The following RHOT1 variants were observed in gnomAD, a reference collection of about 807,000 sequenced individuals.
RHOT1 encodes ras homolog family member T1, also known as mitochondrial Rho GTPase 1.
RHOT1 carries 27 observed loss-of-function variants against 95.3 expected under a neutral mutation model. The ratio of observed to expected loss-of-function variants is 0.28; its 90% confidence interval spans 0.21 to 0.39. RHOT1 has a LOEUF of 0.39. Ranked by LOEUF, RHOT1 falls within the 10% of genes least tolerant of loss-of-function variation. The pLI is 1.00. For missense variants in RHOT1, 578 were observed against 786.7 expected, an observed-to-expected ratio of 0.73 and a Z score of 3.17; for synonymous variants, 227 against 263.5, an observed-to-expected ratio of 0.86 and a Z score of 1.34.
chr17:32,192,332 C>CTCT, intron 9 of RHOT1, 33 bp downstream of exon 9: 1 of 542,668 alleles, frequency 1.8e-6, no homozygotes, highest in East Asian at 3.6e-5. Flanking sequence ...ATTTGCGTAT[C>CTCT]TTTTTTTTTT....
Position 32,147,050 on chromosome 17 carries a change from T to C in RHOT1, c.37+4321T>C, listed in dbSNP as rs141021323. Among the ~76,000 whole-genome samples the C allele has an allele frequency of 3.4e-5, 5 of 148,474 alleles. No individual in the cohort carries two copies. The East Asian group carries it at 1.0e-3, about 30-fold the overall frequency. On this transcript the variant is annotated intron_variant, in intron 1 of 19. Coordinates refer to ENST00000545287, the MANE Select transcript of RHOT1 (RefSeq NM_001033566.3). The stretch of plus-strand genomic sequence containing the variant: ...GAACCACCATGCCTGGCCTGCTCTT[T>C]TTTTATTTTTTTGAGGCAGAGTCTC...
Position 32,142,534 on chromosome 17 carries a change from C to T in RHOT1, c.-159C>T, listed in dbSNP as rs934185350. On this transcript the variant is annotated 5_prime_UTR_variant, in exon 1 of 20. Transcript: ENST00000545287. The stretch of plus-strand genomic sequence containing the variant: ...GCTGGGCCGGAGGAGGCGGAGCTGG[C>T]GCTGTCCCGGCTCTCTTGCGGGGAA... The T allele has an allele frequency of 9.4e-6, 5 of 531,048 alleles. No homozygotes were observed. The highest frequency in any genetic ancestry group is 6.0e-5 in the African/African-American group (3 of 50,010). 32.9% of individuals were successfully genotyped at this position (531,048 alleles called of 1,614,324 possible). A position where few individuals can be genotyped will look rare whatever the true frequency, so the allele number is the denominator to read the frequency against.
At chr17:32,155,915 G>A (rs2032922477) in intron 1 of RHOT1, among the ~76,000 whole-genome samples, 2 of 152,142 alleles carry the variant, frequency 1.3e-5, no homozygotes, top group African/African-American at 2.4e-5. Context: ...AAGTGAAGGA[G>A]CATCTGTGTT....
chr17:32,152,169 G>A (rs2032392006), intron 1 of RHOT1, among the ~76,000 whole-genome samples: 1 of 152,200 alleles, frequency 6.6e-6, no homozygotes, highest in South Asian at 2.1e-4. Context: ...ATGTTCAAGC[G>A]TGAGTAAAGC....
intron 13 of RHOT1, 109 bp downstream of exon 13, chr17:32,199,659 C>T: frequency 1.1e-6 from 1 of 873,898 alleles, no homozygotes; most frequent in Non-Finnish European, 1.7e-6. Flanking sequence ...ATTCTTCAAT[C>T]ATAATTGCCT....
chr17:32,197,395 A>C (rs1014109835), intron 11 of RHOT1, among the ~76,000 whole-genome samples: 1 of 142,402 alleles, frequency 7.0e-6, no homozygotes, highest in African/African-American at 2.6e-5. Context: ...CACCCAGCTA[A>C]TTTTCTTTTT....
chr17:32,144,654 A>G (rs1598260878), intron 1 of RHOT1, among the ~76,000 whole-genome samples: 1 of 151,678 alleles, frequency 6.6e-6, no homozygotes, highest in African/African-American at 2.4e-5. Flanking sequence ...TTTGAGACCA[A>G]CCTGGGCAAT....
chr17:32,156,185 C>A (rs755309138), intron 1 of RHOT1, among the ~76,000 whole-genome samples: 7 of 152,190 alleles, frequency 4.6e-5, no homozygotes, highest in Non-Finnish European at 1.0e-4. Context: ...AAATCACTTT[C>A]CCACACACAG....
rs532458913 is a variant in RHOT1 at position 32,145,051 on chromosome 17, C to T, written c.37+2322C>T. On this transcript the variant is annotated intron_variant, in intron 1 of 19. Transcript: ENST00000545287. ...GTAGCTCATGCCTGTAACCCCAACACTTTGGGAGGCCAAAGTGGGCAGATC... is the reference window on the plus strand; with the variant it reads ...GTAGCTCATGCCTGTAACCCCAACATTTTGGGAGGCCAAAGTGGGCAGATC... 4.6e-5 allele frequency among the ~76,000 whole-genome samples: 7 copies of T among 152,246 alleles called. No individual in the cohort carries two copies. The East Asian group carries it at 1.2e-3, about 25-fold the overall frequency.
At chr17:32,175,587 G>C (rs1372074409) in intron 4 of RHOT1, among the ~76,000 whole-genome samples, 2 of 152,130 alleles carry the variant, frequency 1.3e-5, no homozygotes, top group Non-Finnish European at 2.9e-5. Flanking sequence ...CTCCCAAGTA[G>C]CTGGGATTAC....
chr17:32,193,005 A>C (rs1172533365), intron 9 of RHOT1, 131 bp from the exon 10 acceptor site: 1 of 610,952 alleles, frequency 1.6e-6, no homozygotes, highest in African/African-American at 1.9e-5. Context: ...AGTGGTGACT[A>C]TTCCTAATGT....
At position 32,176,309 on chromosome 17, in the gene RHOT1, A is replaced by G. The variant is rs115367815; in HGVS notation, c.329+96A>G. Reference sequence around the variant, plus strand: ...TACATTGAACTTCCCTAAATCCTTCACTTAAATTTACTAGGTAACGTTTTG... The same window carrying G: ...TACATTGAACTTCCCTAAATCCTTCGCTTAAATTTACTAGGTAACGTTTTG... On this transcript the variant is annotated intron_variant, in intron 6 of 19. Transcript: ENST00000545287. The G allele has an allele frequency of 2.5e-3, 2,321 of 915,258 alleles. 38 individuals carry two copies. The African/African-American group carries it at 0.035, about 14-fold the overall frequency. 56.7% of individuals were successfully genotyped at this position (915,258 alleles called of 1,614,324 possible). A position where few individuals can be genotyped will look rare whatever the true frequency, so the allele number is the denominator to read the frequency against.
At chr17:32,177,160 G>C (rs1193086678) in intron 6 of RHOT1, among the ~76,000 whole-genome samples, 2 of 152,162 alleles carry the variant, frequency 1.3e-5, no homozygotes, top group Admixed American at 6.5e-5. Context: ...AGGAAAGAAT[G>C]ACCCTTTAGA....
chr17:32,214,634 C>T (rs532312941), intron 19 of RHOT1, among the ~76,000 whole-genome samples: 1 of 152,306 alleles, frequency 6.6e-6, no homozygotes, highest in South Asian at 2.1e-4. Flanking sequence ...AATGGAACCA[C>T]CTTTCCCTGT....
chr17:32,149,619 A>ATGTGTGTG (rs1422165602), intron 1 of RHOT1, among the ~76,000 whole-genome samples: 13 of 88,924 alleles, frequency 1.5e-4, no homozygotes, highest in African/African-American at 6.3e-4. Flanking sequence ...ATATATATAT[A>ATGTGTGTG]TATATATATA....
At chr17:32,149,627 A>ATGTGTG (rs1488563031) in intron 1 of RHOT1, among the ~76,000 whole-genome samples, 51 of 87,198 alleles carry the variant, frequency 5.8e-4, no homozygotes, top group Admixed American at 3.3e-3. Flanking sequence ...ATATATATAT[A>ATGTGTG]TATATATATG....
At chr17:32,165,960 G>T (rs746257597) in intron 1 of RHOT1, among the ~76,000 whole-genome samples, 2 of 152,006 alleles carry the variant, frequency 1.3e-5, no homozygotes. Flanking sequence ...CAAGATGGGC[G>T]GATCTCCTGA....
chr17:32,167,282 C>T (rs1217949005), intron 1 of RHOT1, among the ~76,000 whole-genome samples: 3 of 151,528 alleles, frequency 2.0e-5, no homozygotes, highest in Non-Finnish European at 4.4e-5. Context: ...GTCATCCAGG[C>T]TTTGTTATTC....
At position 32,175,327 on chromosome 17, in the gene RHOT1, C is replaced by G. The variant is rs753272303; in HGVS notation, c.187C>G (p.Gln63Glu). The G allele has an allele frequency of 6.2e-7, 1 of 1,613,460 alleles. No individual in the cohort carries two copies. The highest frequency in any genetic ancestry group is 8.5e-7 in the Non-Finnish European group (1 of 1,179,478). ...CTTCCTGTCATTTGTAGAAGCAGAACAGAGTGATGAACAACTTCATCAAGA... is the reference window on the plus strand; with the variant it reads ...CTTCCTGTCATTTGTAGAAGCAGAAGAGAGTGATGAACAACTTCATCAAGA... ...THIVDYSEAE[Q>E]SDEQLHQEIS... Residue 63 changes from glutamine to glutamate, a missense_variant, in exon 4 of 20, where the codon CAG becomes GAG. By Grantham distance (29) the Gln-to-Glu change is conservative (BLOSUM62 2). Around this residue, in one of 4 missense-constraint regions of RHOT1, gnomAD observed 51 missense variants for 114.7 expected, o/e 0.44. Coordinates refer to ENST00000545287, the MANE Select transcript of RHOT1 (RefSeq NM_001033566.3).
Sources: allele counts gnomAD v4.1 joint callset (sites outside exome capture counted in the v4.1 genomes callset), GRCh38; gene constraint gnomAD v4.1.1; regional missense constraint gnomAD v4.1.1; transcripts MANE v1.5; gene names NCBI Gene and HGNC (gene_info 2026-07-23, HGNC 2026-07-21).